The following GDPGP1 variants were observed in gnomAD, a reference collection of about 807,000 sequenced individuals.
GDPGP1 encodes GDP-D-glucose phosphorylase 1.
GDPGP1 carries 18 observed loss-of-function variants against 19.2 expected under a neutral mutation model. The observed-to-expected ratio is 0.94, with a 90% CI of 0.65 to 1.39. The LOEUF (loss-of-function observed/expected upper bound fraction) is 1.39, where lower values mean the gene tolerates loss of function less well. GDPGP1 is among the 40% of genes most tolerant of loss of function. GDPGP1 has a pLI of 0.00. For synonymous variants in GDPGP1, 219 were observed against 208.9 expected (o/e 1.05, Z -0.42); for missense variants, 449 against 490.5 (o/e 0.92, Z 0.80).
rs1962798515 is a variant in GDPGP1, at chr15:90,243,035, A to G, written c.*969A>G. ...CTTGTTCAAGCCCCAGGGGTGTTAA[A>G]AAGGAGTGTGTGTGACAGTTACACA... On this transcript the variant is annotated 3_prime_UTR_variant, in exon 4 of 4. Transcript: ENST00000329600. 1 of 152,102 alleles carries G rather than the reference A, an allele frequency of 6.6e-6. No individual in the cohort carries two copies. Among genetic ancestry groups the G allele is most frequent in the East Asian group, 1.9e-4 (1 of 5,198 alleles). The allele number at this position is 152,102 out of a possible 1,614,324, so 9.4% of individuals were successfully genotyped here.
Position 90,241,888 on chromosome 15 carries a change from CTT to C in GDPGP1, c.982_983del (p.Phe328GlnfsTer6). On this transcript the variant is annotated frameshift_variant, in exon 4 of 4. Transcript: ENST00000329600. LOFTEE classifies it high-confidence loss of function. ...AGCTTTGGGATAAAGGACGGTGAAG[CTT>C]TCAATGTTGCCCTCTGTGAGCTGGC... 1 of 1,614,128 alleles carries C rather than the reference CTT, an allele frequency of 6.2e-7. No individual in the cohort carries two copies. Among genetic ancestry groups the C allele is most frequent in the Non-Finnish European group, 8.5e-7 (1 of 1,180,032 alleles).
Position 90,241,510 on chromosome 15 carries a change from T to C in GDPGP1, c.602T>C (p.Phe201Ser). ...GTGCTGCTGAGCTTACACCCGGGCT[T>C]CCGTGTCGGCTTCAACAGCCTGGGA... ...EAVLLSLHPG[F>S]RVGFNSLGGL... Residue 201 changes from phenylalanine (F) to serine (S), a missense_variant, in exon 4 of 4, where the codon TTC becomes TCC. Transcript: ENST00000329600. 1 of 1,613,710 alleles carries C rather than the reference T, an allele frequency of 6.2e-7. No individual in the cohort carries two copies. Among genetic ancestry groups the C allele is most frequent in the East Asian group, 2.2e-5 (1 of 44,874 alleles).
rs760570865 is a variant in GDPGP1, at chr15:90,241,160, G to T, written c.252G>T (p.Gln84His). ...TTCGCTACCGTCTACGGGAGCTACA[G>T]ACCCAAATCCTCCCTGGTGCTGTGG... ...GLFRYRLREL[Q>H]TQILPGAVGF... Residue 84 changes from glutamine to histidine, a missense_variant, in exon 4 of 4, where the codon CAG (glutamine) becomes CAT (histidine). Physicochemically the swap from Gln to His is conservative, Grantham distance 24. Coordinates refer to ENST00000329600, the MANE Select transcript of GDPGP1 (RefSeq NM_001013657.3). 1 of 1,614,212 alleles carries T rather than the reference G, an allele frequency of 6.2e-7. No homozygotes were observed. The highest frequency in any genetic ancestry group is 1.1e-5 in the South Asian group (1 of 91,086).
rs546430936 is a variant in GDPGP1 at position 90,237,580 on chromosome 15, G to A, written c.-66-912G>A. On this transcript the variant is annotated intron_variant, in intron 2 of 3. Transcript: ENST00000329600. ...CCAGGGATTACAGGTGTGAGCCACC[G>A]CACCCAGCCCCTCATTGTGATTTTG... 5.9e-4 allele frequency among the ~76,000 whole-genome samples: 90 copies of A among 152,198 alleles called. 5 individuals carry two copies. In the South Asian group the frequency reaches 0.018, roughly 30 times the overall value.
In GDPGP1 at chr15:90,242,249, C is replaced by T. The variant is rs1166286757; in HGVS notation, c.*183C>T. 5 of 307,892 alleles carry T rather than the reference C, an allele frequency of 1.6e-5. No individual in the cohort carries two copies. Among genetic ancestry groups the T allele is most frequent in the Non-Finnish European group, 2.7e-5 (5 of 182,508 alleles). 19.1% of individuals were successfully genotyped at this position (307,892 alleles called of 1,614,324 possible). A position where few individuals can be genotyped will look rare whatever the true frequency, so the allele number is the denominator to read the frequency against. On this transcript the variant is annotated 3_prime_UTR_variant, in exon 4 of 4. Transcript: ENST00000329600. ...ACTATAGGCGTGCACCACCACACAC[C>T]TGGCTTTTTTTTTTTTTTTTTTTTT...
chr15:90,241,456 C>G lies in GDPGP1; in HGVS notation c.548C>G (p.Pro183Arg), dbSNP rs142411677. 16 of 1,613,634 alleles carry G rather than the reference C, an allele frequency of 9.9e-6. No homozygotes were observed. The highest frequency in any genetic ancestry group is 1.4e-5 in the Non-Finnish European group (16 of 1,180,028). Residue 183 changes from proline (P) to arginine (R), a missense_variant, in exon 4 of 4, where the codon CCG becomes CGG. Pro to Arg is a moderately radical substitution (Grantham distance 103). Transcript: ENST00000329600. ...CGCCAGCTCCCCCAGCGCCTGCTGC[C>G]GGGTGCACTGAGGGCAGGGATTGAG... ...PARQLPQRLL[P>R]GALRAGIEAV...
chr15:90,239,419 C>T (rs1455173892), intron 3 of GDPGP1, among the ~76,000 whole-genome samples: 1 of 151,880 alleles, frequency 6.6e-6, no homozygotes, highest in Admixed American at 6.6e-5. Flanking sequence ...TATTGACTCA[C>T]AGTTCTGCAA....
At position 90,241,094 on chromosome 15, in the gene GDPGP1, A is replaced by G. The variant is rs1426801364; in HGVS notation, c.186A>G (p.Ala62=). 3 of 1,613,870 alleles carry G rather than the reference A, an allele frequency of 1.9e-6. No homozygotes were observed. The highest frequency in any genetic ancestry group is 3.3e-5 in the Admixed American group (2 of 59,978). ...DALPQSPFDA[A]LCSAWKQRVE... ...TGCCACAATCTCCCTTTGATGCTGCACTCTGCTCTGCCTGGAAGCAGCGGG... is the reference window on the plus strand; with the variant it reads ...TGCCACAATCTCCCTTTGATGCTGCGCTCTGCTCTGCCTGGAAGCAGCGGG... The change falls in exon 4 of 4, where the codon GCA becomes GCG. Residue 62 remains alanine, a synonymous_variant. Coordinates refer to ENST00000329600, the MANE Select transcript of GDPGP1 (RefSeq NM_001013657.3).
At position 90,245,290 on chromosome 15, in the gene GDPGP1, C is replaced by A. The variant is rs1430025976; in HGVS notation, c.*3224C>A. 6.6e-6 allele frequency: 1 copy of A among 152,224 alleles called. No homozygotes were observed. The highest frequency in any genetic ancestry group is 1.5e-5 in the Non-Finnish European group (1 of 68,084). 9.4% of individuals were successfully genotyped at this position (152,224 alleles called of 1,614,324 possible). A position where few individuals can be genotyped will look rare whatever the true frequency, so the allele number is the denominator to read the frequency against. Reference sequence around the variant, plus strand: ...AGGAGTTCAAGACCAGCCTGGCCAACATGGTGAAACCCCGTCTCTACTAAA... The same window carrying A: ...AGGAGTTCAAGACCAGCCTGGCCAAAATGGTGAAACCCCGTCTCTACTAAA... On this transcript the variant is annotated 3_prime_UTR_variant, in exon 4 of 4. Coordinates refer to ENST00000329600, the MANE Select transcript of GDPGP1 (RefSeq NM_001013657.3).
rs985185706 is a variant in GDPGP1 at position 90,241,244 on chromosome 15, C to A, written c.336C>A (p.Ile112=). 1 of 1,614,158 alleles carries A rather than the reference C, an allele frequency of 6.2e-7. No individual in the cohort carries two copies. Among genetic ancestry groups the A allele is most frequent in the Admixed American group, 1.7e-5 (1 of 60,022 alleles). The change falls in exon 4 of 4, where the codon ATC becomes ATA. Residue 112 remains isoleucine (I), a synonymous_variant. Transcript: ENST00000329600. ...RGVQRRPPQT[I]KSVRQAFDPV... ...TGCAGAGGAGGCCCCCGCAGACCAT[C>A]AAGAGTGTGAGGCAGGCATTTGACC...
Position 90,241,935 on chromosome 15 carries a change from A to G in GDPGP1, c.1027A>G (p.Thr343Ala). 1.2e-6 allele frequency: 2 copies of G among 1,614,046 alleles called. No individual in the cohort carries two copies. The highest frequency in any genetic ancestry group is 1.7e-6 in the Non-Finnish European group (2 of 1,179,990). The change falls in exon 4 of 4, where the codon ACA becomes GCA. Residue 343 changes from threonine (T) to alanine (A), a missense_variant. Transcript: ENST00000329600. ...GCTGGCTGGGCACCTCCCTGTCAAA[A>G]CATCCCAGGACTTCAGCAGCCTGAC... ...CELAGHLPVKTSQDFSSLTEA... is the reference protein window; with the variant it reads ...CELAGHLPVKASQDFSSLTEA...
chr15:90,241,513 G>T lies in GDPGP1; in HGVS notation c.605G>T (p.Arg202Leu), dbSNP rs200135769. ...CTGCTGAGCTTACACCCGGGCTTCC[G>T]TGTCGGCTTCAACAGCCTGGGAGGC... ...AVLLSLHPGF[R>L]VGFNSLGGLA... Residue 202 changes from arginine (R) to leucine (L), a missense_variant, in exon 4 of 4, where the codon CGT becomes CTT. Arg to Leu is a moderately radical substitution (Grantham distance 102). Transcript: ENST00000329600. The T allele has an allele frequency of 6.2e-7, 1 of 1,613,646 alleles. No homozygotes were observed. Among genetic ancestry groups the T allele is most frequent in the Non-Finnish European group, 8.5e-7 (1 of 1,180,028 alleles).
At chr15:90,237,626 T>C (rs1307197652) in intron 2 of GDPGP1, among the ~76,000 whole-genome samples, 1 of 152,198 alleles carries the variant, frequency 6.6e-6, no homozygotes, top group Non-Finnish European at 1.5e-5. Flanking sequence ...TCTTATTGAT[T>C]AATGACGTTA....
In GDPGP1 at chr15:90,241,812, C is replaced by G. The variant is rs542294984; in HGVS notation, c.904C>G (p.Pro302Ala). ...TRGAPPGKTSPSSALTGVRVI... is the reference protein window; with the variant it reads ...TRGAPPGKTSASSALTGVRVI... ...GGGAGCTCCGCCGGGAAAGACATCA[C>G]CTTCCTCAGCCCTCACAGGGGTCCG... Residue 302 changes from proline to alanine, a missense_variant, in exon 4 of 4, where the codon CCT becomes GCT. Transcript: ENST00000329600. 3 of 1,614,246 alleles carry G rather than the reference C, an allele frequency of 1.9e-6. No homozygotes were observed. The African/African-American group carries it at 4.0e-5, about 22-fold the overall frequency.
In GDPGP1 at chr15:90,241,845, CTG is replaced by C. The variant is rs780501406; in HGVS notation, c.940_941del (p.Trp314GlyfsTer12). The C allele has an allele frequency of 3.1e-6, 5 of 1,614,206 alleles. No homozygotes were observed. The highest frequency in any genetic ancestry group is 4.2e-6 in the Non-Finnish European group (5 of 1,180,032). On this transcript the variant is annotated frameshift_variant, in exon 4 of 4. Coordinates refer to ENST00000329600, the MANE Select transcript of GDPGP1 (RefSeq NM_001013657.3). LOFTEE classifies it high-confidence loss of function. ...AGCCCTCACAGGGGTCCGAGTAATT[CTG>C]TGGGCCCGGAAGTCCAGCTTTGGGA... Reference protein sequence around the residue: ...SSALTGVRVILWARKSSFGIK... With the variant: ...SSALTGVRVIXWARKSSFGIK...
At chr15:90,236,542 T>C (rs1380101240) in intron 2 of GDPGP1, among the ~76,000 whole-genome samples, 1 of 152,176 alleles carries the variant, frequency 6.6e-6, no homozygotes, top group Non-Finnish European at 1.5e-5. Flanking sequence ...TTGTAAATTA[T>C]TTTTATTTGT....
At chr15:90,238,728 G>A (rs984636292) in intron 3 of GDPGP1, among the ~76,000 whole-genome samples, 180 bp downstream of exon 3, 6 of 152,128 alleles carry the variant, frequency 3.9e-5, no homozygotes, top group African/African-American at 1.4e-4. Flanking sequence ...ATGTTTCTAT[G>A]CATGACCAAT....
In GDPGP1 at chr15:90,241,512, C is replaced by G. The variant is rs199500826; in HGVS notation, c.604C>G (p.Arg202Gly). Residue 202 changes from arginine to glycine, a missense_variant, in exon 4 of 4, where the codon CGT becomes GGT. Transcript: ENST00000329600. Reference sequence around the variant, plus strand: ...GCTGCTGAGCTTACACCCGGGCTTCCGTGTCGGCTTCAACAGCCTGGGAGG... The same window carrying G: ...GCTGCTGAGCTTACACCCGGGCTTCGGTGTCGGCTTCAACAGCCTGGGAGG... ...AVLLSLHPGF[R>G]VGFNSLGGLA... 3 of 1,613,692 alleles carry G rather than the reference C, an allele frequency of 1.9e-6. No homozygotes were observed. Among genetic ancestry groups the G allele is most frequent in the Non-Finnish European group, 1.7e-6 (2 of 1,180,034 alleles).
rs772102808 is a variant in GDPGP1 at position 90,242,111 on chromosome 15, T to C, written c.*45T>C. 1 of 1,474,692 alleles carries C rather than the reference T, an allele frequency of 6.8e-7. No homozygotes were observed. Among genetic ancestry groups the C allele is most frequent in the Admixed American group, 1.9e-5 (1 of 51,406 alleles). The allele number at this position is 1,474,692 out of a possible 1,614,324, so 91.4% of individuals were successfully genotyped here. ...GTTCTTTTTTTCTTTTCTTTTGAGA[T>C]AGGGTCTCACTCTGTCCCCAGGCTA... On this transcript the variant is annotated 3_prime_UTR_variant, in exon 4 of 4. Coordinates refer to ENST00000329600, the MANE Select transcript of GDPGP1 (RefSeq NM_001013657.3).
Sources: gnomAD v4.1 joint callset for allele counts (sites outside exome capture counted in the v4.1 genomes callset) on GRCh38, gnomAD v4.1.1 for gene constraint, MANE v1.5 for transcripts, NCBI Gene and HGNC (gene_info 2026-07-23, HGNC 2026-07-21) for gene names.